Variants in CHIT1 observed in about 807,000 individuals in gnomAD.
The protein encoded by CHIT1 is chitotriosidase-1.
Under a neutral mutation model 52.0 loss-of-function variants are expected in CHIT1, and 47 were observed. The ratio of observed to expected loss-of-function variants is 0.90; its 90% CI spans 0.71 to 1.15. The LOEUF (loss-of-function observed/expected upper bound fraction) is 1.15, where lower values mean the gene tolerates loss of function less well. CHIT1 is among the 50% of genes most tolerant of loss of function. The pLI, the probability that CHIT1 is intolerant of heterozygous loss-of-function variation, is 0.00. For missense variants in CHIT1, 569 were observed against 583.0 expected (o/e 0.98, Z 0.25); for synonymous variants, 242 against 228.2 (o/e 1.06, Z -0.54).
At chr1:203,226,176 A>G (rs1455281483) in intron 2 of CHIT1, among the ~76,000 whole-genome samples, 2 of 152,232 alleles carry the variant, frequency 1.3e-5, no homozygotes, top group East Asian at 1.9e-4. Flanking sequence ...CCCCATCAGC[A>G]TGGCTGCTAA....
intron 7 of CHIT1, among the ~76,000 whole-genome samples, chr1:203,221,186 G>A (rs1416050482): frequency 6.6e-6 from 1 of 152,198 alleles, no homozygotes. Context: ...AGAGATGTGG[G>A]CTCTCCAAAA....
chr1:203,222,178 C>T lies in CHIT1; in HGVS notation c.729+24G>A, dbSNP rs150029675. On this transcript the variant is annotated intron_variant, in intron 7 of 10. Transcript: ENST00000367229. Reference sequence around the variant, plus strand: ...GGGCCTGCTGGACAGGGGAGTCCTGCCTCAGCCCTCCTGCCACACGTACCA... The same window carrying T: ...GGGCCTGCTGGACAGGGGAGTCCTGTCTCAGCCCTCCTGCCACACGTACCA... 8.1e-4 allele frequency: 1,313 copies of T among 1,613,332 alleles called. 11 individuals are homozygous for T. The African/African-American group carries it at 0.015, about 19-fold the overall frequency.
At chr1:203,221,394 G>A (rs1473262249) in intron 7 of CHIT1, among the ~76,000 whole-genome samples, 5 of 152,134 alleles carry the variant, frequency 3.3e-5, no homozygotes, top group African/African-American at 7.2e-5. Flanking sequence ...AACACTTTGG[G>A]AGGCTGAGCC....
At chr1:203,225,223 G>A in intron 3 of CHIT1, 119 bp from the exon 4 acceptor site, 1 of 896,672 alleles carries the variant, frequency 1.1e-6, no homozygotes, top group South Asian at 1.4e-5. Context: ...CCTATGTGCA[G>A]AGACTGTATT....
At chr1:203,219,132 G>C (rs1357974073) in intron 9 of CHIT1, 84 bp downstream of exon 9, 1 of 798,778 alleles carries the variant, frequency 1.3e-6, no homozygotes, top group Non-Finnish European at 2.3e-6. Flanking sequence ...ACTCACCCTT[G>C]AGGTCCTGAA....
chr1:203,225,875 C>T lies in CHIT1; in HGVS notation c.56-5G>A. The T allele has an allele frequency of 1.9e-6, 3 of 1,614,088 alleles. No individual in the cohort carries two copies. The highest frequency in any genetic ancestry group is 3.3e-4 in the Middle Eastern group (2 of 6,062). On this transcript the variant is annotated splice_polypyrimidine_tract_variant and splice_region_variant and intron_variant, in intron 2 of 10. Transcript: ENST00000367229. Reference sequence around the variant, plus strand: ...AGACCAGTTTTGCAGCAGAGCCTGGCCCGTTGGAGTAAAGAAAAGGGATAG... The same window carrying T: ...AGACCAGTTTTGCAGCAGAGCCTGGTCCGTTGGAGTAAAGAAAAGGGATAG...
rs1656881122 is a variant in CHIT1, at chr1:203,225,212, G to A, written c.258-108C>T. 5 of 1,013,468 alleles carry A rather than the reference G, an allele frequency of 4.9e-6. No individual in the cohort carries two copies. In the Admixed American group the frequency reaches 7.4e-5, roughly 15 times the overall value. The allele number at this position is 1,013,468 out of a possible 1,614,324, so 62.8% of individuals were successfully genotyped here. A position where few individuals can be genotyped will look rare whatever the true frequency, so the allele number is the denominator to read the frequency against. On this transcript the variant is annotated intron_variant, in intron 3 of 10. Coordinates refer to ENST00000367229, the MANE Select transcript of CHIT1 (RefSeq NM_003465.3). ...AACAGGGGTGGGGACGTGTGAAAGT[G>A]CCTATGTGCAGAGACTGTATTAGGC...
chr1:203,216,991 T>A lies in CHIT1; in HGVS notation c.1299A>T (p.Glu433Asp). Residue 433 changes from glutamate to aspartate, a missense_variant, in exon 11 of 11, where the codon GAA becomes GAT. Coordinates refer to ENST00000367229, the MANE Select transcript of CHIT1 (RefSeq NM_003465.3). ...KADGLYPNPR[E>D]RSSFYSCAAG... ...CTGCACAGCTGTAGAAGCTGGACCG[T>A]TCCCGAGGATTGGGATAGAGCCCAT... The A allele has an allele frequency of 6.2e-7, 1 of 1,614,174 alleles. No individual in the cohort carries two copies. Among genetic ancestry groups the A allele is most frequent in the Non-Finnish European group, 8.5e-7 (1 of 1,179,992 alleles).
intron 1 of CHIT1, 137 bp from the exon 2 acceptor site, chr1:203,228,699 C>A (rs1457640615): frequency 9.0e-6 from 9 of 996,034 alleles, no homozygotes; most frequent in Admixed American, 4.0e-5. Context: ...TCAGAAGGGA[C>A]CCAGGAGGGC....
Position 203,216,924 on chromosome 1 carries a change from A to T in CHIT1, c.1366T>A (p.Phe456Ile), listed in dbSNP as rs529835793. ...FQQSCPTGLV[F>I]SNSCKCCTWN Reference sequence around the variant, plus strand: ...GTGCAGCATTTGCAGGAGTTGCTGAACACCAGGCCTGTCGGGCAGCTTTGC... The same window carrying T: ...GTGCAGCATTTGCAGGAGTTGCTGATCACCAGGCCTGTCGGGCAGCTTTGC... Residue 456 changes from phenylalanine to isoleucine, a missense_variant, in exon 11 of 11, where the codon TTC becomes ATC. Phe to Ile is a conservative substitution (Grantham distance 21). Coordinates refer to ENST00000367229, the MANE Select transcript of CHIT1 (RefSeq NM_003465.3). 6.2e-7 allele frequency: 1 copy of T among 1,614,204 alleles called. No individual in the cohort carries two copies. Among genetic ancestry groups the T allele is most frequent in the Admixed American group, 1.7e-5 (1 of 60,024 alleles).
At chr1:203,229,000 T>C (rs1657037450) in intron 1 of CHIT1, among the ~76,000 whole-genome samples, 1 of 152,182 alleles carries the variant, frequency 6.6e-6, no homozygotes. Context: ...GTGCCTCTGC[T>C]CCCATCGTTT....
At chr1:203,219,917 A>T (rs967776137) in intron 7 of CHIT1, 68 bp from the exon 8 acceptor site, 1 of 1,569,166 alleles carries the variant, frequency 6.4e-7, no homozygotes, top group South Asian at 1.1e-5. Flanking sequence ...AGTCTGGGGG[A>T]TCCAGAGGCA....
chr1:203,217,171 A>T, intron 10 of CHIT1, 38 bp from the exon 11 acceptor site: 1 of 1,599,296 alleles, frequency 6.3e-7, no homozygotes, highest in Non-Finnish European at 8.5e-7. Flanking sequence ...GGCTCCCCCG[A>T]AGAGATCCCA....
At chr1:203,221,851 T>C (rs1335943702) in intron 7 of CHIT1, among the ~76,000 whole-genome samples, 1 of 152,036 alleles carries the variant, frequency 6.6e-6, no homozygotes. Flanking sequence ...GGAGCACAAG[T>C]CTGCCCACTG....
At position 203,219,207 on chromosome 1, in the gene CHIT1, G is replaced by C. The variant is rs763492865; in HGVS notation, c.1029+9C>G. ...GGACCACCCCTCTGCCAGCAGAGCT[G>C]GGCCTCACCTTGGTTTTGAAGCTCT... On this transcript the variant is annotated intron_variant, in intron 9 of 10. Transcript: ENST00000367229. The C allele has an allele frequency of 9.5e-6, 14 of 1,466,232 alleles. No individual in the cohort carries two copies. The highest frequency in any genetic ancestry group is 1.3e-5 in the Non-Finnish European group (14 of 1,044,714). 90.8% of individuals were successfully genotyped at this position (1,466,232 alleles called of 1,614,324 possible).
chr1:203,228,083 G>A (rs1298533731), intron 2 of CHIT1, among the ~76,000 whole-genome samples: 2 of 152,244 alleles, frequency 1.3e-5, no homozygotes, highest in African/African-American at 4.8e-5. Flanking sequence ...CCAGAAGCAA[G>A]TGTGTTGTCC....
At position 203,220,881 on chromosome 1, in the gene CHIT1, G is replaced by A. The variant is rs57564923; in HGVS notation, c.730-1032C>T. Among the ~76,000 whole-genome samples, 456 of 152,302 alleles carry A rather than the reference G, an allele frequency of 3.0e-3. 3 individuals carry two copies. Among genetic ancestry groups the A allele is most frequent in the African/African-American group, 0.01 (428 of 41,564 alleles). ...GGGCACACTGTGTGGTGAGTAGAAG[G>A]CCTCTTTGTAGGAATAAGATGGCCT... On this transcript the variant is annotated intron_variant, in intron 7 of 10. Transcript: ENST00000367229.
In CHIT1 at chr1:203,216,430, C is replaced by T. The variant is rs1656529885; in HGVS notation, c.*459G>A. ...ACACGTGCGTGAAGGTCCGCAGAAG[C>T]TCCTGTTTCCAGGCTTCTGAGCCAA... On this transcript the variant is annotated 3_prime_UTR_variant, in exon 11 of 11. Transcript: ENST00000367229. 2.2e-6 allele frequency: 1 copy of T among 454,644 alleles called. No individual in the cohort carries two copies. Among genetic ancestry groups the T allele is most frequent in the Non-Finnish European group, 4.4e-6 (1 of 227,304 alleles). The allele number at this position is 454,644 out of a possible 1,614,324, so 28.2% of individuals were successfully genotyped here.
At chr1:203,224,787 G>A (rs998024471) in intron 4 of CHIT1, among the ~76,000 whole-genome samples, 4 of 152,160 alleles carry the variant, frequency 2.6e-5, no homozygotes, top group African/African-American at 9.7e-5. Context: ...GCTTGGAGAG[G>A]TCTGAGCCCT....
Sources: gnomAD v4.1 joint callset for allele counts (sites outside exome capture counted in the v4.1 genomes callset) on GRCh38, gnomAD v4.1.1 for gene constraint, MANE v1.5 for transcripts, NCBI Gene and HGNC (gene_info 2026-07-23, HGNC 2026-07-21) for gene names.